Variants in INTS10 observed in about 807,000 individuals in gnomAD.
INTS10 encodes chromosome 8 open reading frame 35.
INTS10 carries 44 observed loss-of-function variants against 94.4 expected under a neutral mutation model. That is an observed-to-expected ratio of 0.47 (90% CI 0.37 to 0.60). The LOEUF (loss-of-function observed/expected upper bound fraction) is 0.60, where lower values mean the gene tolerates loss of function less well. Among genes scored for constraint, INTS10 ranks in the 20% least tolerant of loss-of-function variants. The pLI, the probability that INTS10 is intolerant of heterozygous loss-of-function variation, is 0.00. For missense variants in INTS10, 797 were observed against 868.7 expected, an observed-to-expected ratio of 0.92 and a Z score of 1.04; for synonymous variants, 341 against 320.7, an observed-to-expected ratio of 1.06 and a Z score of -0.68.
chr8:19,834,006 C>CAA lies in INTS10; in HGVS notation c.1530+700_1530+701dup, dbSNP rs11428734. Among the ~76,000 whole-genome samples, 1,023 of 110,380 alleles carry CAA rather than the reference C, an allele frequency of 9.3e-3. 8 individuals carry two copies. The highest frequency in any genetic ancestry group is 0.013 in the African/African-American group (367 of 28,118). The allele number at this position is 110,380 out of a possible 152,430, so 72.4% of individuals were successfully genotyped here. ...TGGGTGACAGAGCCAGACTCTGTCT[C>CAA]AAAAAAAAAAAAAAAATGGTGATAA... is the stretch of plus-strand genomic sequence containing the variant. On this transcript the variant is annotated intron_variant, in intron 12 of 16. Transcript: ENST00000397977.
In INTS10 at chr8:19,829,274, G is replaced by T. The variant is rs187427069; in HGVS notation, c.1141-1132G>T. On this transcript the variant is annotated intron_variant, in intron 9 of 16. Transcript: ENST00000397977. Reference sequence around the variant, plus strand: ...GATCTGCAGGAAGAATTTCATTTGGGTTATTAAATCAGTAAAATGACCTAG... The same window carrying T: ...GATCTGCAGGAAGAATTTCATTTGGTTTATTAAATCAGTAAAATGACCTAG... 2.0e-5 allele frequency among the ~76,000 whole-genome samples: 3 copies of T among 152,180 alleles called. No homozygotes were observed. The East Asian group carries it at 5.8e-4, about 29-fold the overall frequency.
chr8:19,834,315 T>C (rs1192782532), intron 12 of INTS10, among the ~76,000 whole-genome samples: 1 of 152,228 alleles, frequency 6.6e-6, no homozygotes, highest in Non-Finnish European at 1.5e-5. Flanking sequence ...AACTTGAACT[T>C]TGAAATATGA....
intron 12 of INTS10, among the ~76,000 whole-genome samples, chr8:19,833,529 A>G (rs960598221): frequency 1.3e-5 from 2 of 152,196 alleles, no homozygotes; most frequent in African/African-American, 4.8e-5. Context: ...ATAAGGCATC[A>G]GTACTTTTTA....
intron 12 of INTS10, among the ~76,000 whole-genome samples, chr8:19,836,093 C>T (rs1003606185): frequency 6.6e-6 from 1 of 151,510 alleles, no homozygotes; most frequent in African/African-American, 2.4e-5. Context: ...AGCAAACCAC[C>T]AAGGCACACA....
At chr8:19,823,523 AT>A in intron 6 of INTS10, 82 bp downstream of exon 6, 1 of 963,228 alleles carries the variant, frequency 1.0e-6, no homozygotes, top group Non-Finnish European at 1.6e-6. Flanking sequence ...TGTTCTGATT[AT>A]TCTCCTCTGG....
In INTS10 at chr8:19,817,520, C is replaced by T. The variant is rs754214050; in HGVS notation, c.-18C>T. On this transcript the variant is annotated 5_prime_UTR_variant, in exon 1 of 17. Coordinates refer to ENST00000397977, the MANE Select transcript of INTS10 (RefSeq NM_018142.4). The stretch of plus-strand genomic sequence containing the variant: ...CGTTCCGGCCGCTTCGGGCTGGCGG[C>T]TGGAGAGCGCTCGGGTCATGTCTGC... 4.4e-6 allele frequency: 7 copies of T among 1,601,566 alleles called. No homozygotes were observed. Among genetic ancestry groups the T allele is most frequent in the Admixed American group, 1.7e-5 (1 of 58,976 alleles).
intron 4 of INTS10, chr8:19,821,114 A>G (rs2066341158): frequency 6.7e-6 from 1 of 149,590 alleles, no homozygotes. Flanking sequence ...CTTATTTCCC[A>G]TGCCATTTTC....
intron 12 of INTS10, among the ~76,000 whole-genome samples, chr8:19,834,440 C>T (rs2067490641): frequency 6.6e-6 from 1 of 152,150 alleles, no homozygotes; most frequent in Admixed American, 6.5e-5. Context: ...AGTTACTTAA[C>T]TCTAAGTTTT....
Position 19,844,412 on chromosome 8 carries a change from G to A in INTS10, c.1882+174G>A, listed in dbSNP as rs57533915. On this transcript the variant is annotated intron_variant, in intron 15 of 16. Coordinates refer to ENST00000397977, the MANE Select transcript of INTS10 (RefSeq NM_018142.4). ...TGGCAGTTGATCTTCTGAAAGTCGT[G>A]AAAGACATGATTCAAGGAATTGGGA... 5.8e-3 allele frequency among the ~76,000 whole-genome samples: 884 copies of A among 152,314 alleles called. 9 individuals are homozygous for A. The highest frequency in any genetic ancestry group is 0.02 in the African/African-American group (839 of 41,562).
chr8:19,829,624 T>C (rs572669724), intron 9 of INTS10, among the ~76,000 whole-genome samples: 2 of 152,206 alleles, frequency 1.3e-5, no homozygotes, highest in Admixed American at 1.3e-4. Flanking sequence ...GAACCAAAGA[T>C]AACTAACAGT....
chr8:19,841,721 C>T (rs887062614), intron 13 of INTS10: 1 of 427,378 alleles, frequency 2.3e-6, no homozygotes, highest in East Asian at 7.2e-5. Context: ...AAACCAACTT[C>T]CCATGACCAA....
chr8:19,817,788 T>C, intron 1 of INTS10, 122 bp downstream of exon 1: 1 of 1,287,314 alleles, frequency 7.8e-7, no homozygotes, highest in South Asian at 1.4e-5. Context: ...GCCCCCTGCT[T>C]TCTCCCCTCC....
rs1465552941 is a variant in INTS10 at position 19,849,562 on chromosome 8, C to T, written c.1977-2087C>T. Among the ~76,000 whole-genome samples, 1 of 152,140 alleles carries T rather than the reference C, an allele frequency of 6.6e-6. No individual in the cohort carries two copies. The stretch of plus-strand genomic sequence containing the variant: ...TCTTTTGATAAAACGTTAAGGCTTT[C>T]GGTCATATATATTTAAGGATGCTGA... On this transcript the variant is annotated intron_variant, in intron 16 of 16. Transcript: ENST00000397977. This position sits in a 1 kb window ranked among gnomAD's most constrained non-coding sequence, Gnocchi z 4.6.
chr8:19,839,158 C>T (rs2128795815), intron 13 of INTS10, among the ~76,000 whole-genome samples: 1 of 152,150 alleles, frequency 6.6e-6, no homozygotes, highest in African/African-American at 2.4e-5. Flanking sequence ...TTAGTAGATG[C>T]ATACAGAATT....
rs1212046716 is a variant in INTS10 at position 19,817,505 on chromosome 8, G to A, written c.-33G>A. The A allele has an allele frequency of 1.3e-6, 2 of 1,595,334 alleles. No individual in the cohort carries two copies. Among genetic ancestry groups the A allele is most frequent in the Non-Finnish European group, 1.7e-6 (2 of 1,172,922 alleles). On this transcript the variant is annotated 5_prime_UTR_variant, in exon 1 of 17. Transcript: ENST00000397977. ...GAGTCCAGAGCCGGACGTTCCGGCC[G>A]CTTCGGGCTGGCGGCTGGAGAGCGC...
At chr8:19,839,696 G>C (rs554448890) in intron 13 of INTS10, among the ~76,000 whole-genome samples, 2 of 151,476 alleles carry the variant, frequency 1.3e-5, no homozygotes, top group Middle Eastern at 3.2e-3. Flanking sequence ...AGATTTCCCT[G>C]TCTCAAAAAA....
chr8:19,823,398 C>A lies in INTS10; in HGVS notation c.621C>A (p.Ile207=). 1 of 1,605,380 alleles carries A rather than the reference C, an allele frequency of 6.2e-7. No individual in the cohort carries two copies. The highest frequency in any genetic ancestry group is 8.5e-7 in the Non-Finnish European group (1 of 1,172,226). The change falls in exon 6 of 17, where the codon ATC becomes ATA. Residue 207 remains isoleucine (I), a synonymous_variant. Coordinates refer to ENST00000397977, the MANE Select transcript of INTS10 (RefSeq NM_018142.4). Reference sequence around the variant, plus strand: ...TGAACAAAGCAGCTGAATTTTATATCAATTATGTCACTAGGTCTACTCAAA... The same window carrying A: ...TGAACAAAGCAGCTGAATTTTATATAAATTATGTCACTAGGTCTACTCAAA... ...KYLNKAAEFY[I]NYVTRSTQIE... is the part of the protein sequence containing the mutation.
chr8:19,841,698 G>A, intron 13 of INTS10: 1 of 407,802 alleles, frequency 2.5e-6, no homozygotes, highest in Non-Finnish European at 4.9e-6. Flanking sequence ...ATAAAGTCAT[G>A]CAACCATTCT....
intron 10 of INTS10, 100 bp downstream of exon 10, chr8:19,830,659 G>A: frequency 1.8e-6 from 2 of 1,099,672 alleles, no homozygotes; most frequent in Non-Finnish European, 2.6e-6. Context: ...GTTGATTACA[G>A]TAGTTCATGC....
Sources: allele counts gnomAD v4.1 joint callset (sites outside exome capture counted in the v4.1 genomes callset), GRCh38; gene constraint gnomAD v4.1.1; non-coding constraint Gnocchi (gnomAD v3.1); transcripts MANE v1.5; gene names NCBI Gene and HGNC (gene_info 2026-07-23, HGNC 2026-07-21).